The following PARD3B variants were observed in gnomAD, a reference collection of about 807,000 sequenced individuals.
PARD3B encodes the protein partitioning defective 3 homolog B.
PARD3B carries 103 observed loss-of-function variants against 130.2 expected under a neutral mutation model. That is an observed-to-expected ratio of 0.79 (90% CI 0.67 to 0.93). The LOEUF is 0.93. PARD3B is among the 40% of genes least tolerant of loss of function. The pLI, the probability that PARD3B is intolerant of heterozygous loss-of-function variation, is 0.00. For synonymous variants in PARD3B, 583 were observed against 553.2 expected, an observed-to-expected ratio of 1.05 and a Z score of -0.76; for missense variants, 1,609 against 1,499.2, an observed-to-expected ratio of 1.07 and a Z score of -1.21.
chr2:205,055,865 T>C (rs1326991380), intron 4 of PARD3B, among the ~76,000 whole-genome samples: 1 of 152,166 alleles, frequency 6.6e-6, no homozygotes, highest in Non-Finnish European at 1.5e-5. Context: ...ATTTTTTAAA[T>C]GCCACACACA....
At chr2:205,071,051 A>T (rs1427319340) in intron 4 of PARD3B, among the ~76,000 whole-genome samples, 1 of 152,062 alleles carries the variant, frequency 6.6e-6, no homozygotes, top group Non-Finnish European at 1.5e-5. Flanking sequence ...TTCAAAGTAA[A>T]TTTGTTTCTT....
chr2:205,525,318 C>G lies in PARD3B; in HGVS notation c.3180+25287C>G, dbSNP rs774953837. Reference sequence around the variant, plus strand: ...AAAATATAGTAACAAAGCTGGTTTTCTAGTCACATGTCACCATAACTTCAG... The same window carrying G: ...AAAATATAGTAACAAAGCTGGTTTTGTAGTCACATGTCACCATAACTTCAG... On this transcript the variant is annotated intron_variant, in intron 21 of 22. Transcript: ENST00000406610. The surrounding 1 kb of genome is among the most constrained non-coding windows in gnomAD (Gnocchi z 4.2). Among the ~76,000 whole-genome samples, 24 of 152,086 alleles carry G rather than the reference C, an allele frequency of 1.6e-4. No homozygotes were observed. The highest frequency in any genetic ancestry group is 2.6e-4 in the Non-Finnish European group (18 of 68,014).
At chr2:205,195,062 G>T (rs1426350412) in intron 15 of PARD3B, among the ~76,000 whole-genome samples, 1 of 150,284 alleles carries the variant, frequency 6.7e-6, no homozygotes, top group Non-Finnish European at 1.5e-5. Context: ...GCCTCCCAAA[G>T]TGCTGGGATT....
chr2:204,903,667 A>C (rs915796470), intron 2 of PARD3B, among the ~76,000 whole-genome samples: 1 of 152,202 alleles, frequency 6.6e-6, no homozygotes, highest in Non-Finnish European at 1.5e-5. Context: ...AATAAAATGA[A>C]GAATTAATAT....
At chr2:205,198,408 T>A (rs1428679660) in intron 15 of PARD3B, among the ~76,000 whole-genome samples, 2 of 152,190 alleles carry the variant, frequency 1.3e-5, no homozygotes, top group Non-Finnish European at 2.9e-5. Context: ...AGAGCATGTG[T>A]CCTGAAAAAC....
At chr2:205,402,006 T>C (rs2046269653) in intron 19 of PARD3B, among the ~76,000 whole-genome samples, 1 of 152,248 alleles carries the variant, frequency 6.6e-6, no homozygotes, top group Non-Finnish European at 1.5e-5. Context: ...TTGATTTTAT[T>C]ACTTTAGTAT....
intron 20 of PARD3B, among the ~76,000 whole-genome samples, chr2:205,492,324 A>G (rs1252978484): frequency 6.6e-6 from 1 of 152,150 alleles, no homozygotes; most frequent in Non-Finnish European, 1.5e-5. Flanking sequence ...CTTTCCCTAA[A>G]TTCATTATTC....
At chr2:204,931,528 A>C (rs2125777842) in intron 2 of PARD3B, among the ~76,000 whole-genome samples, 1 of 152,160 alleles carries the variant, frequency 6.6e-6, no homozygotes, top group South Asian at 2.1e-4. Context: ...AAACTTTGTA[A>C]GATAGCCATT....
At chr2:205,123,797 T>C (rs1422204975) in intron 8 of PARD3B, among the ~76,000 whole-genome samples, 1 of 151,916 alleles carries the variant, frequency 6.6e-6, no homozygotes, top group Non-Finnish European at 1.5e-5. Context: ...AATCTGAGCA[T>C]ACCTTTAGAC....
At chr2:205,067,619 A>C (rs1354924184) in intron 4 of PARD3B, among the ~76,000 whole-genome samples, 2 of 152,186 alleles carry the variant, frequency 1.3e-5, no homozygotes, top group Non-Finnish European at 2.9e-5. Flanking sequence ...TTGGAATTTA[A>C]GCCTTTAATT....
chr2:205,199,565 TGAGAG>T (rs1161303541), intron 15 of PARD3B, among the ~76,000 whole-genome samples: 3 of 151,946 alleles, frequency 2.0e-5, no homozygotes, highest in Non-Finnish European at 4.4e-5. Context: ...AACAGCTGCA[TGAGAG>T]GAGACTTGCA....
At position 205,145,643 on chromosome 2, in the gene PARD3B, C is replaced by A. The variant is rs540807269; in HGVS notation, c.1435-13079C>A. On this transcript the variant is annotated intron_variant, in intron 10 of 22. Transcript: ENST00000406610. ...TGTCCTCTGCTCCTTTCCCTCTAGC[C>A]CATTCTCCCCCATGTTCTCTAAGGC... Among the ~76,000 whole-genome samples the A allele has an allele frequency of 2.0e-5, 3 of 152,208 alleles. No homozygotes were observed. In the South Asian group the frequency reaches 6.2e-4, roughly 32 times the overall value.
chr2:204,548,867 A>T (rs2030218694), intron 1 of PARD3B, among the ~76,000 whole-genome samples: 1 of 152,224 alleles, frequency 6.6e-6, no homozygotes, highest in Non-Finnish European at 1.5e-5. Context: ...GGCGAGTGCT[A>T]TAAAGAACCA....
intron 2 of PARD3B, among the ~76,000 whole-genome samples, chr2:204,812,988 G>C (rs1288189422): frequency 6.6e-6 from 1 of 152,100 alleles, no homozygotes; most frequent in Non-Finnish European, 1.5e-5. Context: ...GCTTTCTCCA[G>C]TTTTTGATTA....
intron 4 of PARD3B, among the ~76,000 whole-genome samples, chr2:205,049,878 C>G (rs1392463377): frequency 6.6e-6 from 1 of 152,094 alleles, no homozygotes; most frequent in Non-Finnish European, 1.5e-5. Flanking sequence ...TCATAGTGTC[C>G]TCTGTGGATG....
intron 2 of PARD3B, among the ~76,000 whole-genome samples, chr2:204,698,414 G>T (rs1331772943): frequency 6.6e-6 from 1 of 152,014 alleles, no homozygotes; most frequent in Non-Finnish European, 1.5e-5. Flanking sequence ...AATCTGGAGG[G>T]GTAAAAATGC....
intron 2 of PARD3B, among the ~76,000 whole-genome samples, chr2:204,870,549 G>A (rs984570714): frequency 5.9e-5 from 9 of 152,054 alleles, no homozygotes; most frequent in East Asian, 3.9e-4. Flanking sequence ...CGGGGTAAGC[G>A]TTTCAAGCCA....
chr2:205,230,883 C>T lies in PARD3B; in HGVS notation c.2141-14895C>T, dbSNP rs902366212. Among the ~76,000 whole-genome samples the T allele has an allele frequency of 2.0e-5, 3 of 152,002 alleles. No individual in the cohort carries two copies. The highest frequency in any genetic ancestry group is 7.2e-5 in the African/African-American group (3 of 41,380). On this transcript the variant is annotated intron_variant, in intron 15 of 22. Transcript: ENST00000406610. This position sits in a 1 kb window ranked among gnomAD's most constrained non-coding sequence, Gnocchi z 4.1. Reference sequence around the variant, plus strand: ...CTCCATGGACTCTGGCTGTGTTCTGCCTGGTGTTGCTTTCCACCATGACAG... The same window carrying T: ...CTCCATGGACTCTGGCTGTGTTCTGTCTGGTGTTGCTTTCCACCATGACAG...
intron 1 of PARD3B, among the ~76,000 whole-genome samples, chr2:204,563,930 T>C (rs2031507905): frequency 6.6e-6 from 1 of 151,884 alleles, no homozygotes; most frequent in African/African-American, 2.4e-5. Flanking sequence ...CCCGCCACCA[T>C]GCCCGGCTAA....
Sources: allele counts gnomAD v4.1 joint callset (sites outside exome capture counted in the v4.1 genomes callset), GRCh38; gene constraint gnomAD v4.1.1; non-coding constraint Gnocchi (gnomAD v3.1); transcripts MANE v1.5; gene names NCBI Gene and HGNC (gene_info 2026-07-23, HGNC 2026-07-21).